The following OLFM3 variants were observed in gnomAD, a reference collection of about 807,000 sequenced individuals.
OLFM3 encodes noelin-3.
OLFM3 carries 20 observed loss-of-function variants against 48.6 expected under a neutral mutation model. The observed-to-expected ratio is 0.41, with a 90% CI of 0.29 to 0.60. The LOEUF (loss-of-function observed/expected upper bound fraction) is 0.60, where lower values mean the gene tolerates loss of function less well. Ranked by LOEUF, OLFM3 falls within the 20% of genes least tolerant of loss-of-function variation. OLFM3 has a pLI of 0.28. For missense variants in OLFM3, 437 were observed against 544.3 expected, an observed-to-expected ratio of 0.80 and a Z score of 1.96; for synonymous variants, 222 against 198.1, an observed-to-expected ratio of 1.12 and a Z score of -1.01.
chr1:101,904,179 C>T (rs1313914574), intron 1 of OLFM3, among the ~76,000 whole-genome samples: 1 of 151,964 alleles, frequency 6.6e-6, no homozygotes, highest in Non-Finnish European at 1.5e-5. Context: ...CACAATAACG[C>T]ACTTTCTTGA....
intron 1 of OLFM3, among the ~76,000 whole-genome samples, chr1:101,989,572 C>T (rs569971244): frequency 9.3e-6 from 1 of 107,506 alleles, no homozygotes; most frequent in South Asian, 2.6e-4. Flanking sequence ...CTAGATATTA[C>T]ATATTTCCTT....
intron 1 of OLFM3, among the ~76,000 whole-genome samples, chr1:101,921,143 C>A (rs1466018179): frequency 6.6e-6 from 1 of 151,600 alleles, no homozygotes; most frequent in Non-Finnish European, 1.5e-5. Context: ...CTGGTAATCT[C>A]TTAATTAGAT....
At chr1:101,889,044 A>T (rs1417700078) in intron 1 of OLFM3, among the ~76,000 whole-genome samples, 1 of 152,218 alleles carries the variant, frequency 6.6e-6, no homozygotes, top group African/African-American at 2.4e-5. Context: ...ACACTTTTTC[A>T]CTGTTGGTGG....
At chr1:101,874,501 T>C (rs2100980982) in intron 1 of OLFM3, among the ~76,000 whole-genome samples, 1 of 151,398 alleles carries the variant, frequency 6.6e-6, no homozygotes, top group South Asian at 2.1e-4. Context: ...ATAATAATAA[T>C]AATAATAGTA....
At chr1:101,872,457 C>T (rs1356238930) in intron 1 of OLFM3, among the ~76,000 whole-genome samples, 1 of 151,934 alleles carries the variant, frequency 6.6e-6, no homozygotes, top group African/African-American at 2.4e-5. Context: ...TGAGTGGAAG[C>T]TTTAATACAT....
intron 4 of OLFM3, among the ~76,000 whole-genome samples, chr1:101,820,396 T>C (rs762613998): frequency 2.6e-5 from 4 of 152,204 alleles, no homozygotes; most frequent in Middle Eastern, 6.8e-3. Context: ...TAGGGGTGTG[T>C]ACAAACTTCA....
At chr1:101,978,926 T>G (rs1004038540) in intron 1 of OLFM3, among the ~76,000 whole-genome samples, 1 of 152,208 alleles carries the variant, frequency 6.6e-6, no homozygotes, top group African/African-American at 2.4e-5. Context: ...AAGAGCCATA[T>G]GTGATCCCTG....
intron 1 of OLFM3, among the ~76,000 whole-genome samples, chr1:101,990,332 A>G (rs1661364265): frequency 6.6e-6 from 1 of 152,276 alleles, no homozygotes; most frequent in African/African-American, 2.4e-5. Context: ...GAGTGAAGGA[A>G]CGTGATAAGC....
chr1:101,857,292 A>G lies in OLFM3; in HGVS notation c.70-20267T>C, dbSNP rs1465888597. 4.6e-5 allele frequency among the ~76,000 whole-genome samples: 7 copies of G among 152,140 alleles called. No individual in the cohort carries two copies. In the East Asian group the frequency reaches 1.2e-3, roughly 25 times the overall value. ...CAGGAAAACAGTATTTTCCTTGGGA[A>G]GTATAACAGACACATAGAAATATCT... On this transcript the variant is annotated intron_variant, in intron 1 of 5. Coordinates refer to ENST00000370103, the MANE Select transcript of OLFM3 (RefSeq NM_058170.4).
At chr1:101,935,721 T>G (rs1290658679) in intron 1 of OLFM3, among the ~76,000 whole-genome samples, 1 of 152,028 alleles carries the variant, frequency 6.6e-6, no homozygotes, top group African/African-American at 2.4e-5. Context: ...ATGCAAAATT[T>G]CTCAACAAAA....
chr1:101,928,422 C>T (rs1298344265), intron 1 of OLFM3, among the ~76,000 whole-genome samples: 1 of 152,074 alleles, frequency 6.6e-6, no homozygotes, highest in African/African-American at 2.4e-5. Context: ...GAAATAGATC[C>T]TGACTCCTTC....
At chr1:101,967,272 C>T (rs1020442453) in intron 1 of OLFM3, among the ~76,000 whole-genome samples, 1 of 148,288 alleles carries the variant, frequency 6.7e-6, no homozygotes, top group Non-Finnish European at 1.5e-5. Flanking sequence ...ATTCAAAACT[C>T]TGACAATTTC....
At chr1:101,821,516 A>G (rs1456999469) in intron 4 of OLFM3, among the ~76,000 whole-genome samples, 1 of 151,994 alleles carries the variant, frequency 6.6e-6, no homozygotes, top group Admixed American at 6.6e-5. Context: ...CGTTTTCTAC[A>G]TTGTAATTAA....
intron 1 of OLFM3, among the ~76,000 whole-genome samples, chr1:101,878,843 T>A (rs571785314): frequency 6.6e-6 from 1 of 152,082 alleles, no homozygotes; most frequent in South Asian, 2.1e-4. Context: ...CAGCTATAGT[T>A]CAGTTGGCAG....
At chr1:101,941,704 T>G (rs1198025615) in intron 1 of OLFM3, among the ~76,000 whole-genome samples, 1 of 152,164 alleles carries the variant, frequency 6.6e-6, no homozygotes, top group Admixed American at 6.5e-5. Context: ...TTGCTTACAT[T>G]TTAACTCAGG....
chr1:101,933,815 T>C (rs1327793249), intron 1 of OLFM3, among the ~76,000 whole-genome samples: 1 of 152,020 alleles, frequency 6.6e-6, no homozygotes, highest in Non-Finnish European at 1.5e-5. Flanking sequence ...ATATACAGCA[T>C]TCTTAAAGAA....
rs1191730270 is a variant in OLFM3 at position 101,873,748 on chromosome 1, G to T, written c.70-36723C>A. 2.6e-5 allele frequency among the ~76,000 whole-genome samples: 4 copies of T among 151,732 alleles called. No homozygotes were observed. In the East Asian group the frequency reaches 7.8e-4, roughly 29 times the overall value. On this transcript the variant is annotated intron_variant, in intron 1 of 5. Coordinates refer to ENST00000370103, the MANE Select transcript of OLFM3 (RefSeq NM_058170.4). ...TCACACCATTTTCTAGCTTAGTCAA[G>T]TTACTAGATCTTTTTTCAGTTTTCT...
chr1:101,855,719 A>G (rs1656386832), intron 1 of OLFM3, among the ~76,000 whole-genome samples: 1 of 152,012 alleles, frequency 6.6e-6, no homozygotes, highest in African/African-American at 2.4e-5. Context: ...ACTGCAATCT[A>G]TTTTCAGACT....
rs1281577639 is a variant in OLFM3, at chr1:101,921,594, T to C, written c.69+75154A>G. ...CATTTGGGACCAGTGAGTCAGTAAGTCTTAGAGTTCTATCCTCAACTACAG... is the reference window on the plus strand; with the variant it reads ...CATTTGGGACCAGTGAGTCAGTAAGCCTTAGAGTTCTATCCTCAACTACAG... On this transcript the variant is annotated intron_variant, in intron 1 of 5. Coordinates refer to ENST00000370103, the MANE Select transcript of OLFM3 (RefSeq NM_058170.4). Among the ~76,000 whole-genome samples the C allele has an allele frequency of 3.3e-5, 5 of 152,132 alleles. 1 individual carries two copies. Among genetic ancestry groups the C allele is most frequent in the Non-Finnish European group, 5.9e-5 (4 of 68,024 alleles).
Sources: allele counts gnomAD v4.1 joint callset (sites outside exome capture counted in the v4.1 genomes callset), GRCh38; gene constraint gnomAD v4.1.1; transcripts MANE v1.5; gene names NCBI Gene and HGNC (gene_info 2026-07-23, HGNC 2026-07-21).